Variants in GRID1 observed in about 807,000 individuals in gnomAD.
The protein encoded by GRID1 is glutamate receptor ionotropic, delta-1.
In GRID1, 28 loss-of-function variants were observed where a neutral mutation model predicts 98.0. That is an observed-to-expected ratio of 0.29 (90% CI 0.21 to 0.39). The LOEUF is 0.39. GRID1 is among the 10% of genes least tolerant of loss of function. The pLI is 1.00. For missense variants in GRID1, 1,111 were observed against 1,340.5 expected (o/e 0.83, Z 2.67); for synonymous variants, 553 against 538.5 (o/e 1.03, Z -0.37).
At chr10:86,270,847 G>A (rs1405825828) in intron 2 of GRID1, among the ~76,000 whole-genome samples, 1 of 152,192 alleles carries the variant, frequency 6.6e-6, no homozygotes, top group Admixed American at 6.5e-5. Flanking sequence ...ACATTGGAGA[G>A]AAGGCAATGA....
chr10:86,136,895 C>T (rs1844934933), intron 4 of GRID1, among the ~76,000 whole-genome samples: 1 of 152,186 alleles, frequency 6.6e-6, no homozygotes, highest in Admixed American at 6.5e-5. Flanking sequence ...TACTCTAAAC[C>T]TCAGCATCAC....
chr10:86,100,164 C>A (rs2131944289), intron 4 of GRID1, among the ~76,000 whole-genome samples: 1 of 152,284 alleles, frequency 6.6e-6, no homozygotes, highest in South Asian at 2.1e-4. Context: ...AAACTTAAAG[C>A]AGATCTGGCT....
chr10:85,767,741 C>A (rs1028509285), intron 8 of GRID1, among the ~76,000 whole-genome samples: 1 of 152,182 alleles, frequency 6.6e-6, no homozygotes, highest in Non-Finnish European at 1.5e-5. Context: ...CACACACTTC[C>A]CAAATGTGGC....
At chr10:86,077,765 G>A (rs1843903892) in intron 4 of GRID1, among the ~76,000 whole-genome samples, 1 of 152,208 alleles carries the variant, frequency 6.6e-6, no homozygotes, top group South Asian at 2.1e-4. Flanking sequence ...AGGATGGGAA[G>A]CTGAGGAATA....
intron 2 of GRID1, among the ~76,000 whole-genome samples, chr10:86,319,647 G>T (rs1053612302): frequency 6.6e-6 from 1 of 152,202 alleles, no homozygotes; most frequent in African/African-American, 2.4e-5. Context: ...AGGCAAAGAG[G>T]TTCCAATAAA....
chr10:86,125,950 C>T (rs1844746331), intron 4 of GRID1, among the ~76,000 whole-genome samples: 4 of 152,028 alleles, frequency 2.6e-5, no homozygotes, highest in African/African-American at 9.7e-5. Flanking sequence ...GGCTTCTGGC[C>T]AACAGTAAGC....
At chr10:85,897,485 A>T (rs1333569372) in intron 5 of GRID1, among the ~76,000 whole-genome samples, 1 of 152,210 alleles carries the variant, frequency 6.6e-6, no homozygotes, top group African/African-American at 2.4e-5. Flanking sequence ...CTGGCCCCTC[A>T]GGAAGGCTTG....
At chr10:86,032,284 T>G (rs1009904214) in intron 4 of GRID1, among the ~76,000 whole-genome samples, 1 of 151,630 alleles carries the variant, frequency 6.6e-6, no homozygotes, top group Non-Finnish European at 1.5e-5. Context: ...GTCTGGGAGG[T>G]GGGGGGCCCC....
chr10:86,151,984 G>C (rs1200379690), intron 3 of GRID1, among the ~76,000 whole-genome samples: 1 of 152,230 alleles, frequency 6.6e-6, no homozygotes, highest in Non-Finnish European at 1.5e-5. Flanking sequence ...TAGAGAGAAG[G>C]ATCAGACCCT....
chr10:85,618,830 C>T (rs956306169), intron 14 of GRID1, among the ~76,000 whole-genome samples: 3 of 152,212 alleles, frequency 2.0e-5, no homozygotes, highest in African/African-American at 7.2e-5. Context: ...ACTCCCAGCT[C>T]TGCCAGCAGC....
intron 2 of GRID1, among the ~76,000 whole-genome samples, chr10:86,313,704 T>G (rs1847861574): frequency 6.6e-6 from 1 of 152,108 alleles, no homozygotes; most frequent in African/African-American, 2.4e-5. Flanking sequence ...CCCAGGAAAT[T>G]CGTGGGAGAG....
At chr10:85,902,757 G>C (rs549275593) in intron 5 of GRID1, among the ~76,000 whole-genome samples, 1 of 152,334 alleles carries the variant, frequency 6.6e-6, no homozygotes, top group East Asian at 1.9e-4. Context: ...TATAATAGAA[G>C]TTGGAGTTCT....
intron 12 of GRID1, among the ~76,000 whole-genome samples, chr10:85,675,718 G>C (rs368665172): frequency 6.6e-6 from 1 of 152,312 alleles, no homozygotes; most frequent in Non-Finnish European, 1.5e-5. Flanking sequence ...TCAATGTCCA[G>C]CAGGACCCCT....
At chr10:85,649,478 G>A (rs1409562405) in intron 12 of GRID1, among the ~76,000 whole-genome samples, 1 of 151,898 alleles carries the variant, frequency 6.6e-6, no homozygotes, top group Non-Finnish European at 1.5e-5. Flanking sequence ...GTAATGAAAG[G>A]AGGGGGATCT....
In GRID1 at chr10:85,613,497, G is replaced by A. The variant is rs1471577146; in HGVS notation, c.2511C>T (p.Ile837=). 2.5e-6 allele frequency: 4 copies of A among 1,614,158 alleles called. No individual in the cohort carries two copies. The highest frequency in any genetic ancestry group is 3.4e-6 in the Non-Finnish European group (4 of 1,180,038). Residue 837 remains isoleucine (I), a synonymous_variant, in exon 15 of 16, where the codon ATC becomes ATT. Coordinates refer to ENST00000327946, the MANE Select transcript of GRID1 (RefSeq NM_017551.3). ...AGGCCAGGAGCAGGCCAATGGCCAGGATGCAGAAGACCCCGGCGAAGCTGT... is the reference window on the plus strand; with the variant it reads ...AGGCCAGGAGCAGGCCAATGGCCAGAATGCAGAAGACCCCGGCGAAGCTGT... ...KLHSFAGVFC[I]LAIGLLLACL... is the part of the protein sequence containing the mutation.
chr10:86,156,517 G>A (rs942073602), intron 3 of GRID1, among the ~76,000 whole-genome samples: 2 of 152,218 alleles, frequency 1.3e-5, no homozygotes, highest in African/African-American at 4.8e-5. Flanking sequence ...TGAGGGAATT[G>A]ACCGATCTAC....
intron 12 of GRID1, among the ~76,000 whole-genome samples, chr10:85,662,154 C>T (rs1840971814): frequency 6.6e-6 from 1 of 152,214 alleles, no homozygotes; most frequent in South Asian, 2.1e-4. Flanking sequence ...GCAGATGTTG[C>T]ATCCTGATTT....
intron 5 of GRID1, among the ~76,000 whole-genome samples, chr10:85,880,346 T>C (rs1464663044): frequency 6.6e-6 from 1 of 152,162 alleles, no homozygotes; most frequent in Admixed American, 6.5e-5. Context: ...CCAATATCCT[T>C]GATGAACATT....
At chr10:85,990,591 CAGA>C (rs1842668180) in intron 4 of GRID1, among the ~76,000 whole-genome samples, 1 of 152,118 alleles carries the variant, frequency 6.6e-6, no homozygotes, top group Non-Finnish European at 1.5e-5. Context: ...TCCAGGAAAC[CAGA>C]AGATCATGTG....
Sources: gnomAD v4.1 joint callset for allele counts (sites outside exome capture counted in the v4.1 genomes callset) on GRCh38, gnomAD v4.1.1 for gene constraint, MANE v1.5 for transcripts, NCBI Gene and HGNC (gene_info 2026-07-23, HGNC 2026-07-21) for gene names.